Variants in TASOR2 observed in about 807,000 individuals in gnomAD.
The protein encoded by TASOR2 is protein TASOR 2.
A neutral mutation model predicts 199.5 loss-of-function variants in TASOR2; 84 were observed. That is an observed-to-expected ratio of 0.42 (90% confidence interval 0.35 to 0.50). The LOEUF is 0.50. TASOR2 is among the 20% of genes least tolerant of loss of function. The probability of loss-of-function intolerance (pLI) is 0.02; values close to 1 mark genes in which losing one functional copy is unlikely to be tolerated. For missense variants in TASOR2, 2,796 were observed against 2,835.9 expected, an observed-to-expected ratio of 0.99 and a Z score of 0.32; for synonymous variants, 1,103 against 1,046.6, an observed-to-expected ratio of 1.05 and a Z score of -1.04.
Position 5,761,850 on chromosome 10 carries a change from A to G in TASOR2, c.7174+379A>G, listed in dbSNP as rs11255064. 1,512 of 156,806 alleles carry G rather than the reference A, an allele frequency of 9.6e-3. 29 individuals are homozygous for G. The highest frequency in any genetic ancestry group is 0.034 in the African/African-American group (1,426 of 41,544). 9.7% of individuals were successfully genotyped at this position (156,806 alleles called of 1,614,324 possible). A position where few individuals can be genotyped will look rare whatever the true frequency, so the allele number is the denominator to read the frequency against. On this transcript the variant is annotated intron_variant, in intron 19 of 20. Transcript: ENST00000328090. ...GGAGTTAGAGACCAGCCTAGCCAAC[A>G]TGGTGAAACCCCATCTCTACTAAAA...
chr10:5,726,517 G>A (rs1215928254), intron 8 of TASOR2, among the ~76,000 whole-genome samples: 3 of 152,142 alleles, frequency 2.0e-5, no homozygotes, highest in African/African-American at 7.2e-5. Context: ...GCTACTTATA[G>A]GTTTGATTCA....
At chr10:5,732,378 C>T (rs947574021) in intron 11 of TASOR2, among the ~76,000 whole-genome samples, 6 of 152,254 alleles carry the variant, frequency 3.9e-5, no homozygotes, top group Admixed American at 1.3e-4. Flanking sequence ...GTGACAGAAG[C>T]CACATGACCT....
Position 5,757,367 on chromosome 10 carries a change from T to G in TASOR2, c.6733-153T>G, listed in dbSNP as rs1039439206. ...TGATGATGAGCTCAGTTAATATGCC[T>G]CATGCAGGGCAGAATGACCAGTCGG... On this transcript the variant is annotated intron_variant, in intron 16 of 20. Transcript: ENST00000328090. Among the ~76,000 whole-genome samples the G allele has an allele frequency of 3.3e-5, 5 of 152,220 alleles. No individual in the cohort carries two copies. In the East Asian group the frequency reaches 9.6e-4, roughly 29 times the overall value.
chr10:5,716,551 A>T (rs1039322382), intron 2 of TASOR2, among the ~76,000 whole-genome samples: 7 of 152,138 alleles, frequency 4.6e-5, no homozygotes, highest in Non-Finnish European at 1.0e-4. Flanking sequence ...TCATTTCATT[A>T]TGAAAAATTC....
intron 2 of TASOR2, chr10:5,714,178 C>T: frequency 8.1e-7 from 1 of 1,231,736 alleles, no homozygotes; most frequent in Non-Finnish European, 1.0e-6. Context: ...GGCAGCAGTG[C>T]TGTTACCACT....
intron 1 of TASOR2, chr10:5,709,638 C>G (rs1831659018): frequency 8.1e-7 from 1 of 1,230,864 alleles, no homozygotes; most frequent in Non-Finnish European, 1.0e-6. Flanking sequence ...TAGAGAAGAT[C>G]GAGACAGGGT....
chr10:5,753,566 G>A (rs899992256), intron 15 of TASOR2, among the ~76,000 whole-genome samples: 7 of 152,086 alleles, frequency 4.6e-5, no homozygotes, highest in Non-Finnish European at 7.4e-5. Context: ...GAGTTTCACC[G>A]TGTTAGGATG....
rs533429492 is a variant in TASOR2, at chr10:5,737,504, C to A, written c.1447+1958C>A. Among the ~76,000 whole-genome samples the A allele has an allele frequency of 1.3e-5, 2 of 151,980 alleles. No individual in the cohort carries two copies. Among genetic ancestry groups the A allele is most frequent in the South Asian group, 4.2e-4 (2 of 4,808 alleles). ...TCTCTGCGTTGTGCCTCTGCTGTTG[C>A]CACCGTGCTCCTTCCCCTGCGGCCC... On this transcript the variant is annotated intron_variant, in intron 12 of 20. Coordinates refer to ENST00000328090, the Ensembl canonical transcript of TASOR2. The surrounding 1 kb of genome is among the most constrained non-coding windows in gnomAD (Gnocchi z 4.9).
At chr10:5,716,348 TGG>T (rs1832629380) in intron 2 of TASOR2, among the ~76,000 whole-genome samples, 1 of 152,168 alleles carries the variant, frequency 6.6e-6, no homozygotes, top group Non-Finnish European at 1.5e-5. Flanking sequence ...TACAAGTTTT[TGG>T]GTGGACATAA....
intron 1 of TASOR2, among the ~76,000 whole-genome samples, chr10:5,704,201 G>T (rs1321194613): frequency 1.3e-5 from 2 of 148,734 alleles, no homozygotes; most frequent in Non-Finnish European, 3.0e-5. Context: ...TCCAGCCTGG[G>T]TGACAGAGTG....
chr10:5,759,102 T>G (rs1839403158), intron 18 of TASOR2, 110 bp downstream of exon 19: 1 of 727,718 alleles, frequency 1.4e-6, no homozygotes, highest in Admixed American at 2.7e-5. Flanking sequence ...CCTTCATCAG[T>G]AAAGAGCATG....
At chr10:5,718,996 A>G (rs1004206324) in intron 3 of TASOR2, among the ~76,000 whole-genome samples, 7 of 151,904 alleles carry the variant, frequency 4.6e-5, no homozygotes, top group African/African-American at 1.5e-4. Flanking sequence ...ATTTTATTTC[A>G]CAAAATCGAG....
intron 2 of TASOR2, among the ~76,000 whole-genome samples, chr10:5,717,074 C>G (rs187406817): frequency 3.4e-5 from 5 of 147,698 alleles, no homozygotes; most frequent in Admixed American, 6.7e-5. Flanking sequence ...TACAATCTTA[C>G]GATTTCATTG....
chr10:5,714,217 T>TA lies in TASOR2; in HGVS notation c.-192+1302dup, dbSNP rs1281236244. On this transcript the variant is annotated intron_variant, in intron 2 of 20. Transcript: ENST00000328090. Reference sequence around the variant, plus strand: ...GGTGATCCAGCCAAAGGTAAGTCCGTAAAGCAAAAAGAATCTTAAAAAAAA... The same window carrying TA: ...GGTGATCCAGCCAAAGGTAAGTCCGTAAAAGCAAAAAGAATCTTAAAAAAAA... 12 of 1,230,532 alleles carry TA rather than the reference T, an allele frequency of 9.8e-6. No homozygotes were observed. Among genetic ancestry groups the TA allele is most frequent in the Non-Finnish European group, 2.0e-6 (2 of 986,728 alleles). The allele number at this position is 1,230,532 out of a possible 1,614,324, so 76.2% of individuals were successfully genotyped here.
rs1003580017 is a variant in TASOR2 at position 5,719,277 on chromosome 10, A to G, written c.-99-1267A>G. 1.3e-5 allele frequency among the ~76,000 whole-genome samples: 2 copies of G among 152,222 alleles called. No homozygotes were observed. The highest frequency in any genetic ancestry group is 6.5e-5 in the Admixed American group (1 of 15,276). ...TTGTCTTATGTCATTGTATTATTCAAAACAGCTTTTAAAATCATTGCATAT... is the reference window on the plus strand; with the variant it reads ...TTGTCTTATGTCATTGTATTATTCAGAACAGCTTTTAAAATCATTGCATAT... On this transcript the variant is annotated intron_variant, in intron 3 of 20. Coordinates refer to ENST00000328090, the Ensembl canonical transcript of TASOR2. The surrounding 1 kb of genome is among the most constrained non-coding windows in gnomAD (Gnocchi z 4.1).
Position 5,748,627 on chromosome 10 carries a change from G to A in TASOR2, c.5206G>A (p.Val1736Met), listed in dbSNP as rs1434803167. 8.7e-6 allele frequency: 14 copies of A among 1,614,218 alleles called. No individual in the cohort carries two copies. The highest frequency in any genetic ancestry group is 4.5e-5 in the East Asian group (2 of 44,890). The change falls in exon 15 of 21, where the codon GTG (valine) becomes ATG (methionine). Residue 1736 changes from valine (V) to methionine (M), a missense_variant. Transcript: ENST00000328090. The surrounding 1 kb of genome is among the most constrained non-coding windows in gnomAD (Gnocchi z 5.1). ...CAAAGCCATCCACACGCTGCAAGAT[G>A]TGTCAACATGTGAAACAAAGGAGCT...
At chr10:5,715,963 A>G (rs1425898834) in intron 2 of TASOR2, among the ~76,000 whole-genome samples, 1 of 152,136 alleles carries the variant, frequency 6.6e-6, no homozygotes, top group Non-Finnish European at 1.5e-5. Context: ...TCATGTGAAC[A>G]TCACAGAGCG....
rs544352524 is a variant in TASOR2 at position 5,707,683 on chromosome 10, C to G, written c.-287-5140C>G. On this transcript the variant is annotated intron_variant, in intron 1 of 20. Coordinates refer to ENST00000328090, the Ensembl canonical transcript of TASOR2. ...CTCTCTCTCTCTCTCTGTCTCCCCC[C>G]CCAACCCCACACACACACATACTCA... Among the ~76,000 whole-genome samples the G allele has an allele frequency of 1.6e-3, 243 of 150,648 alleles. 3 individuals carry two copies. The highest frequency in any genetic ancestry group is 1.4e-3 in the Non-Finnish European group (92 of 67,646).
chr10:5,762,568 G>A (rs2797501), exon 20 of TASOR2: 1,169,687 of 1,369,984 alleles, frequency 0.85, 500,691 homozygotes, highest in Admixed American at 0.9. Context: ...TTTGAAAATA[G>A]TGGAATCCTT....
Sources: allele counts gnomAD v4.1 joint callset (sites outside exome capture counted in the v4.1 genomes callset), GRCh38; gene constraint gnomAD v4.1.1; non-coding constraint Gnocchi (gnomAD v3.1); transcripts MANE v1.5; gene names NCBI Gene and HGNC (gene_info 2026-07-23, HGNC 2026-07-21).